Variants in ZNF804A observed in about 807,000 individuals in gnomAD.
ZNF804A encodes the protein zinc finger protein 804A.
A neutral mutation model predicts 16.5 loss-of-function variants in ZNF804A; 2 were observed. That is an observed-to-expected ratio of 0.12 (90% CI 0.05 to 0.38). The LOEUF (loss-of-function observed/expected upper bound fraction) is 0.38, where lower values mean the gene tolerates loss of function less well. Among genes scored for constraint, ZNF804A ranks in the 10% least tolerant of loss-of-function variants. The pLI, the probability that ZNF804A is intolerant of heterozygous loss-of-function variation, is 0.99. For missense variants in ZNF804A, 1,473 were observed against 1,390.7 expected (o/e 1.06, Z -0.94); for synonymous variants, 534 against 489.6 (o/e 1.09, Z -1.20).
chr2:184,725,096 G>A (rs1056379569), intron 1 of ZNF804A, among the ~76,000 whole-genome samples: 2 of 151,588 alleles, frequency 1.3e-5, no homozygotes, highest in African/African-American at 4.8e-5. Flanking sequence ...TTAGCTACTA[G>A]GACTAGTTCT....
intron 2 of ZNF804A, among the ~76,000 whole-genome samples, chr2:184,892,630 C>T (rs1325838522): frequency 2.6e-5 from 4 of 151,738 alleles, no homozygotes; most frequent in African/African-American, 9.7e-5. Flanking sequence ...ATTACAGGCA[C>T]GCGCCACCAT....
chr2:184,641,904 C>T (rs985731934), intron 1 of ZNF804A, among the ~76,000 whole-genome samples: 1 of 152,100 alleles, frequency 6.6e-6, no homozygotes, highest in Non-Finnish European at 1.5e-5. Flanking sequence ...TAAAATAGGT[C>T]TTTTGTCCTA....
intron 1 of ZNF804A, among the ~76,000 whole-genome samples, chr2:184,609,739 G>A (rs868760912): frequency 3.9e-5 from 6 of 152,200 alleles, no homozygotes; most frequent in East Asian, 1.9e-4. Context: ...TTCCACCCTC[G>A]TGACCCGATT....
chr2:184,768,463 T>C (rs998454771), intron 1 of ZNF804A, among the ~76,000 whole-genome samples: 1 of 152,076 alleles, frequency 6.6e-6, no homozygotes, highest in African/African-American at 2.4e-5. Context: ...AAAGGAAAGA[T>C]GAAATTTAAT....
At chr2:184,877,649 G>A (rs995106695) in intron 2 of ZNF804A, among the ~76,000 whole-genome samples, 3 of 152,128 alleles carry the variant, frequency 2.0e-5, no homozygotes, top group Non-Finnish European at 2.9e-5. Context: ...AACCAGAGAA[G>A]TTTTTAAAAA....
chr2:184,660,529 C>G (rs1431734376), intron 1 of ZNF804A, among the ~76,000 whole-genome samples: 2 of 152,126 alleles, frequency 1.3e-5, no homozygotes, highest in Non-Finnish European at 2.9e-5. Context: ...TCTTCTGTGC[C>G]CATACTCACT....
intron 1 of ZNF804A, among the ~76,000 whole-genome samples, chr2:184,752,548 G>A (rs1420044861): frequency 1.3e-5 from 2 of 151,498 alleles, no homozygotes; most frequent in Admixed American, 1.3e-4. Context: ...ATTTGCAACT[G>A]AGTAAACTAG....
chr2:184,724,092 A>G (rs575374154), intron 1 of ZNF804A, among the ~76,000 whole-genome samples: 2 of 151,724 alleles, frequency 1.3e-5, no homozygotes, highest in South Asian at 4.1e-4. Context: ...TCTCTTCCTC[A>G]TCAAAATCTC....
At chr2:184,806,345 T>A (rs759606804) in intron 1 of ZNF804A, among the ~76,000 whole-genome samples, 5 of 152,002 alleles carry the variant, frequency 3.3e-5, no homozygotes, top group Non-Finnish European at 7.4e-5. Flanking sequence ...AAATTTAATA[T>A]GTTTTTTAGA....
chr2:184,786,658 A>G (rs1355235951), intron 1 of ZNF804A, among the ~76,000 whole-genome samples: 2 of 152,006 alleles, frequency 1.3e-5, no homozygotes, highest in Non-Finnish European at 2.9e-5. Flanking sequence ...CTACTGGAAC[A>G]TAATAAATTA....
chr2:184,717,660 A>T (rs1247818947), intron 1 of ZNF804A, among the ~76,000 whole-genome samples: 1 of 152,214 alleles, frequency 6.6e-6, no homozygotes, highest in East Asian at 1.9e-4. Flanking sequence ...GAGTATACTC[A>T]TAATTATATG....
chr2:184,644,383 G>C (rs1691840643), intron 1 of ZNF804A, among the ~76,000 whole-genome samples: 1 of 151,496 alleles, frequency 6.6e-6, no homozygotes, highest in Non-Finnish European at 1.5e-5. Context: ...TTATATTTTT[G>C]TGTTTTAGTA....
At chr2:184,879,897 G>T (rs935459516) in intron 2 of ZNF804A, among the ~76,000 whole-genome samples, 4 of 152,048 alleles carry the variant, frequency 2.6e-5, no homozygotes, top group African/African-American at 9.7e-5. Flanking sequence ...TTGTGGTTCT[G>T]AGGTGAAGGT....
intron 1 of ZNF804A, among the ~76,000 whole-genome samples, chr2:184,766,664 A>G (rs1397061728): frequency 2.0e-5 from 3 of 152,040 alleles, no homozygotes; most frequent in Admixed American, 1.3e-4. Flanking sequence ...CTTACAATCC[A>G]ACAGTTTTAT....
intron 1 of ZNF804A, among the ~76,000 whole-genome samples, chr2:184,747,352 GAAAT>G (rs934796551): frequency 6.5e-5 from 8 of 123,678 alleles, no homozygotes; most frequent in Admixed American, 1.6e-4. Flanking sequence ...AGAAATGTTT[GAAAT>G]AAATAAACAA....
At chr2:184,839,441 T>C (rs1176807471) in intron 1 of ZNF804A, among the ~76,000 whole-genome samples, 1 of 152,142 alleles carries the variant, frequency 6.6e-6, no homozygotes, top group East Asian at 1.9e-4. Context: ...GTTATTAATT[T>C]AACATGTATT....
intron 1 of ZNF804A, among the ~76,000 whole-genome samples, chr2:184,606,875 C>T (rs1691155777): frequency 2.0e-5 from 3 of 151,668 alleles, no homozygotes; most frequent in Admixed American, 2.0e-4. Context: ...ACACACATAT[C>T]ATATTGTTCC....
chr2:184,646,304 G>A (rs1691871018), intron 1 of ZNF804A, among the ~76,000 whole-genome samples: 6 of 152,226 alleles, frequency 3.9e-5, no homozygotes, highest in Admixed American at 3.9e-4. Flanking sequence ...TGCTACTACA[G>A]CTGTAGTTTC....
chr2:184,729,138 A>T, intron 1 of ZNF804A, among the ~76,000 whole-genome samples: 1 of 151,870 alleles, frequency 6.6e-6, no homozygotes, highest in East Asian at 1.9e-4. Context: ...TGAGAACAAT[A>T]TATTGTATAT....
Sources: allele counts gnomAD v4.1 joint callset (sites outside exome capture counted in the v4.1 genomes callset), GRCh38; gene constraint gnomAD v4.1.1; transcripts MANE v1.5; gene names NCBI Gene and HGNC (gene_info 2026-07-23, HGNC 2026-07-21).